Variants in FAM110B observed in about 807,000 individuals in gnomAD.
FAM110B encodes the protein protein FAM110B.
A neutral mutation model predicts 20.4 loss-of-function variants in FAM110B; 6 were observed. That is an observed-to-expected ratio of 0.29 (90% CI 0.16 to 0.58). The LOEUF (loss-of-function observed/expected upper bound fraction) is 0.58, where lower values mean the gene tolerates loss of function less well. FAM110B is among the 20% of genes least tolerant of loss of function. The pLI, the probability that FAM110B is intolerant of heterozygous loss-of-function variation, is 0.90. For missense variants in FAM110B, 434 were observed against 498.2 expected (o/e 0.87, Z 1.23); for synonymous variants, 226 against 214.1 (o/e 1.06, Z -0.49).
intron 1 of FAM110B, among the ~76,000 whole-genome samples, chr8:58,022,603 C>T (rs1327782147): frequency 6.6e-6 from 1 of 151,942 alleles, no homozygotes; most frequent in African/African-American, 2.4e-5. Context: ...TATATTTCAG[C>T]CTTTAAAAAA....
intron 1 of FAM110B, among the ~76,000 whole-genome samples, chr8:58,021,446 G>T (rs1804751650): frequency 6.6e-6 from 1 of 152,108 alleles, no homozygotes; most frequent in Admixed American, 6.5e-5. Context: ...TCACATGTAA[G>T]CCAGAAAACA....
chr8:58,066,250 T>G (rs1415190574), intron 2 of FAM110B, among the ~76,000 whole-genome samples: 1 of 152,222 alleles, frequency 6.6e-6, no homozygotes, highest in East Asian at 1.9e-4. Context: ...TCAGGGTTTT[T>G]GTACCCAGCA....
intron 2 of FAM110B, among the ~76,000 whole-genome samples, chr8:58,057,111 A>G (rs191849739): frequency 6.6e-6 from 1 of 152,320 alleles, no homozygotes; most frequent in Non-Finnish European, 1.5e-5. Context: ...CCGAGGGGTG[A>G]GTCCACTGCC....
chr8:58,025,703 G>A (rs182630481), intron 1 of FAM110B, among the ~76,000 whole-genome samples: 14 of 152,292 alleles, frequency 9.2e-5, no homozygotes, highest in African/African-American at 3.4e-4. Flanking sequence ...TACTAAATTT[G>A]TAGCTGCTGC....
At chr8:58,096,097 T>A (rs1021702889) in intron 3 of FAM110B, among the ~76,000 whole-genome samples, 1 of 152,200 alleles carries the variant, frequency 6.6e-6, no homozygotes, top group African/African-American at 2.4e-5. Context: ...GCTTGGTAAA[T>A]ATTTCTCCCA....
At chr8:58,134,135 C>T (rs999691891) in intron 3 of FAM110B, among the ~76,000 whole-genome samples, 1 of 152,310 alleles carries the variant, frequency 6.6e-6, no homozygotes, top group Non-Finnish European at 1.5e-5. Context: ...ATAAACTGTT[C>T]TTTTCAGAAT....
intron 1 of FAM110B, among the ~76,000 whole-genome samples, chr8:58,022,669 C>T (rs1804779302): frequency 6.6e-6 from 1 of 152,068 alleles, no homozygotes; most frequent in South Asian, 2.1e-4. Context: ...TTTTGTAGAA[C>T]AGCAGAAAAC....
chr8:58,016,917 G>A (rs1378904717), intron 1 of FAM110B, among the ~76,000 whole-genome samples: 1 of 152,170 alleles, frequency 6.6e-6, no homozygotes, highest in African/African-American at 2.4e-5. Flanking sequence ...TGAAGGAGTA[G>A]GCTGGAAGCA....
chr8:58,002,087 G>C (rs764028789), intron 1 of FAM110B, among the ~76,000 whole-genome samples: 1 of 152,062 alleles, frequency 6.6e-6, no homozygotes, highest in Non-Finnish European at 1.5e-5. Flanking sequence ...TCACCTTTTT[G>C]TTCCATTTGG....
intron 3 of FAM110B, among the ~76,000 whole-genome samples, chr8:58,121,223 T>C (rs1056652890): frequency 6.6e-6 from 1 of 152,188 alleles, no homozygotes; most frequent in Admixed American, 6.5e-5. Flanking sequence ...CCCATTGATC[T>C]CTGTTGTCCA....
chr8:58,091,951 TAA>T (rs1443579808), intron 3 of FAM110B, among the ~76,000 whole-genome samples: 2 of 152,198 alleles, frequency 1.3e-5, no homozygotes, highest in African/African-American at 4.8e-5. Context: ...TCTAGCTTTT[TAA>T]AAGTTATAAT....
At chr8:58,020,549 C>G (rs1804730493) in intron 1 of FAM110B, among the ~76,000 whole-genome samples, 1 of 152,178 alleles carries the variant, frequency 6.6e-6, no homozygotes, top group Non-Finnish European at 1.5e-5. Context: ...TTCACCTAAT[C>G]AGCCTTTTAA....
At chr8:58,143,002 T>C (rs749851395) in intron 3 of FAM110B, among the ~76,000 whole-genome samples, 1 of 151,992 alleles carries the variant, frequency 6.6e-6, no homozygotes, top group Non-Finnish European at 1.5e-5. Flanking sequence ...TGTGCCACAG[T>C]GCTCTCTGAA....
intron 2 of FAM110B, among the ~76,000 whole-genome samples, chr8:58,049,198 G>C (rs890383557): frequency 2.6e-5 from 4 of 152,058 alleles, no homozygotes; most frequent in Admixed American, 6.6e-5. Flanking sequence ...AGTAAGCTTG[G>C]TTTTGATATA....
At chr8:58,033,965 G>A (rs951539073) in intron 2 of FAM110B, among the ~76,000 whole-genome samples, 6 of 151,900 alleles carry the variant, frequency 3.9e-5, no homozygotes, top group African/African-American at 1.2e-4. Context: ...CTCCCCACGC[G>A]CCCTTGGAAT....
rs186364419 is a variant in FAM110B at position 58,025,710 on chromosome 8, C to T, written c.-511-5896C>T. 1.2e-4 allele frequency among the ~76,000 whole-genome samples: 18 copies of T among 152,296 alleles called. 2 individuals carry two copies. In the East Asian group the frequency reaches 3.1e-3, roughly 26 times the overall value. On this transcript the variant is annotated intron_variant, in intron 1 of 3. Transcript: ENST00000519262. ...GAGAGTATTACTAAATTTGTAGCTG[C>T]TGCCAGGTGTCCCTACCTTAGCAGG...
chr8:58,062,065 T>G (rs1462946937), intron 2 of FAM110B, among the ~76,000 whole-genome samples: 1 of 152,208 alleles, frequency 6.6e-6, no homozygotes, highest in Non-Finnish European at 1.5e-5. Flanking sequence ...GTTAAAATCA[T>G]CCAGTGGTAA....
chr8:58,015,467 G>A (rs1804618596), intron 1 of FAM110B, among the ~76,000 whole-genome samples: 1 of 152,064 alleles, frequency 6.6e-6, no homozygotes, highest in Non-Finnish European at 1.5e-5. Context: ...GATTAATTTT[G>A]GAGGAATACA....
chr8:58,005,795 T>C (rs1368889068), intron 1 of FAM110B, among the ~76,000 whole-genome samples: 1 of 152,242 alleles, frequency 6.6e-6, no homozygotes, highest in Non-Finnish European at 1.5e-5. Context: ...AGTTACTTCG[T>C]ACAATTACAT....
Sources: gnomAD v4.1 joint callset for allele counts (sites outside exome capture counted in the v4.1 genomes callset) on GRCh38, gnomAD v4.1.1 for gene constraint, MANE v1.5 for transcripts, NCBI Gene and HGNC (gene_info 2026-07-23, HGNC 2026-07-21) for gene names.